The following FRMD6 variants were observed in gnomAD, a reference collection of about 807,000 sequenced individuals.
FRMD6 encodes FERM domain-containing protein 6.
Under a neutral mutation model 73.2 loss-of-function variants are expected in FRMD6, and 37 were observed. The ratio of observed to expected loss-of-function variants is 0.51; its 90% CI spans 0.39 to 0.66. The LOEUF (loss-of-function observed/expected upper bound fraction) is 0.66, where lower values mean the gene tolerates loss of function less well. Ranked by LOEUF, FRMD6 falls within the 30% of genes least tolerant of loss-of-function variation. The pLI is 0.00. For missense variants in FRMD6, 714 were observed against 780.5 expected, an observed-to-expected ratio of 0.91 and a Z score of 1.02; for synonymous variants, 273 against 282.2, an observed-to-expected ratio of 0.97 and a Z score of 0.33.
chr14:51,474,530 C>G, the FRMD6 span, among the ~76,000 whole-genome samples: 14 of 152,186 alleles, frequency 9.2e-5, 1 homozygote, highest in South Asian at 2.9e-3. Context: ...TTGAATTTGC[C>G]TTTGAACTAG....
At chr14:51,585,939 G>GTGTGTGTGTGTGTGTGTGTA in intron 2 of FRMD6, among the ~76,000 whole-genome samples, 1 of 31,402 alleles carries the variant, frequency 3.2e-5, no homozygotes, top group African/African-American at 6.8e-5. Context: ...GTGTGTGTGT[G>GTGTGTGTGTGTGTGTGTGTA]TATATATATA....
intron 10 of FRMD6, among the ~76,000 whole-genome samples, chr14:51,716,040 G>A (rs1897223011): frequency 6.6e-6 from 1 of 152,200 alleles, no homozygotes; most frequent in African/African-American, 2.4e-5. Context: ...GGAGAGGGAA[G>A]TCAGCTGGTC....
chr14:51,475,686 C>T, the FRMD6 span, among the ~76,000 whole-genome samples: 3 of 152,164 alleles, frequency 2.0e-5, no homozygotes, highest in Non-Finnish European at 4.4e-5. Flanking sequence ...TAGCTAGCAA[C>T]ATTTAAAATT....
intron 1 of FRMD6, among the ~76,000 whole-genome samples, chr14:51,525,080 TAGATAGATAGATA>T (rs1311917482): frequency 0.03 from 1,334 of 44,894 alleles, 28 homozygotes; most frequent in African/African-American, 0.15. Flanking sequence ...AATAGATAGA[TAGATAGATAGATA>T]GATAGATAGA....
At chr14:51,672,347 C>T (rs1198807571) in intron 1 of FRMD6, among the ~76,000 whole-genome samples, 5 of 152,184 alleles carry the variant, frequency 3.3e-5, no homozygotes. Context: ...CAACAATGCT[C>T]CTGCTCAATA....
intron 1 of FRMD6, among the ~76,000 whole-genome samples, chr14:51,544,217 CTAAA>C (rs1459089534): frequency 1.3e-5 from 2 of 151,924 alleles, no homozygotes; most frequent in Non-Finnish European, 2.9e-5. Flanking sequence ...ATTATCCTAC[CTAAA>C]TAAAGTTAAT....
intron 2 of FRMD6, among the ~76,000 whole-genome samples, chr14:51,579,688 T>C (rs1888604136): frequency 6.6e-6 from 1 of 152,158 alleles, no homozygotes; most frequent in Non-Finnish European, 1.5e-5. Context: ...GATTCTCTGG[T>C]CCTTACTCAT....
At chr14:51,497,861 C>T (rs1288861059) in intron 1 of FRMD6, among the ~76,000 whole-genome samples, 1 of 152,166 alleles carries the variant, frequency 6.6e-6, no homozygotes, top group Non-Finnish European at 1.5e-5. Flanking sequence ...GATGAGGCTT[C>T]TACGAATCTT....
At chr14:51,609,115 A>T (rs947242231) in intron 2 of FRMD6, among the ~76,000 whole-genome samples, 2 of 152,102 alleles carry the variant, frequency 1.3e-5, no homozygotes, top group African/African-American at 4.8e-5. Flanking sequence ...TTCTTAAAAG[A>T]TGTATAGGAA....
intron 2 of FRMD6, among the ~76,000 whole-genome samples, chr14:51,618,723 T>C (rs1322537879): frequency 6.6e-6 from 1 of 152,094 alleles, no homozygotes; most frequent in Admixed American, 6.6e-5. Flanking sequence ...GAGGAATCTA[T>C]AGGAGAAACA....
the FRMD6 span, among the ~76,000 whole-genome samples, chr14:51,414,608 T>C: frequency 1.3e-5 from 2 of 152,228 alleles, no homozygotes; most frequent in Non-Finnish European, 2.9e-5. Flanking sequence ...GCTTTGTTCT[T>C]TTGGCTTAGG....
chr14:51,614,202 T>G (rs1395260106), intron 2 of FRMD6, among the ~76,000 whole-genome samples: 1 of 152,184 alleles, frequency 6.6e-6, no homozygotes, highest in East Asian at 1.9e-4. Flanking sequence ...CTAGGAACTT[T>G]GGGTTGGTTG....
At chr14:51,569,596 C>T (rs1314542804) in intron 1 of FRMD6, among the ~76,000 whole-genome samples, 6 of 148,282 alleles carry the variant, frequency 4.0e-5, no homozygotes, top group East Asian at 2.0e-4. Context: ...CTTGACCTCC[C>T]GAGCTCAGGT....
At chr14:51,414,470 G>A in the FRMD6 span, among the ~76,000 whole-genome samples, 1 of 152,176 alleles carries the variant, frequency 6.6e-6, no homozygotes, top group Admixed American at 6.5e-5. Flanking sequence ...TTGTAGATGT[G>A]TGGTGTTATT....
At chr14:51,505,693 C>T (rs1037973996) in intron 1 of FRMD6, among the ~76,000 whole-genome samples, 1 of 152,156 alleles carries the variant, frequency 6.6e-6, no homozygotes. Flanking sequence ...TGTTTCTAAA[C>T]CTAAATGCAT....
At chr14:51,473,922 G>A in the FRMD6 span, among the ~76,000 whole-genome samples, 1 of 151,778 alleles carries the variant, frequency 6.6e-6, no homozygotes, top group Non-Finnish European at 1.5e-5. Flanking sequence ...ATGACTCAAA[G>A]GAAGACATCC....
Position 51,720,388 on chromosome 14 carries a change from A to G in FRMD6, c.1358A>G (p.Asp453Gly), listed in dbSNP as rs772649352. The stretch of plus-strand genomic sequence containing the variant: ...CGGCTGGAAGAGGACTTACAGGACG[A>G]TGGTAACAGTACTGTCCCCTCACTG... The part of the protein sequence containing the change: ...KDRLEEDLQD[D>G]EIEMLVDDPR... The change falls in exon 11 of 14, where the codon GAT becomes GGT. Residue 453 changes from aspartate (D) to glycine (G), a missense_variant and splice_region_variant. Asp to Gly is a moderately conservative substitution (Grantham distance 94, BLOSUM62 -1). Coordinates refer to ENST00000344768, the MANE Select transcript of FRMD6 (RefSeq NM_001267046.2). The G allele has an allele frequency of 6.2e-7, 1 of 1,611,780 alleles. No homozygotes were observed. Among genetic ancestry groups the G allele is most frequent in the Admixed American group, 1.7e-5 (1 of 60,002 alleles).
intron 2 of FRMD6, among the ~76,000 whole-genome samples, chr14:51,646,318 C>CAA (rs34495089): frequency 3.3e-3 from 230 of 69,190 alleles, no homozygotes; most frequent in Non-Finnish European, 4.9e-3. Flanking sequence ...ACTCCATATC[C>CAA]AAAAAAAAAA....
chr14:51,455,332 T>C, the FRMD6 span, among the ~76,000 whole-genome samples: 1 of 152,218 alleles, frequency 6.6e-6, no homozygotes, highest in Non-Finnish European at 1.5e-5. Context: ...CTTCTAGCAG[T>C]TCCCAAGGAA....
Sources: allele counts gnomAD v4.1 joint callset (sites outside exome capture counted in the v4.1 genomes callset), GRCh38; gene constraint gnomAD v4.1.1; transcripts MANE v1.5; gene names NCBI Gene and HGNC (gene_info 2026-07-23, HGNC 2026-07-21).